The following WDR41 variants were observed in gnomAD, a reference collection of about 807,000 sequenced individuals.
The protein encoded by WDR41 is WD repeat-containing protein 41.
A neutral mutation model predicts 69.3 loss-of-function variants in WDR41; 63 were observed. That is an observed-to-expected ratio of 0.91 (90% CI 0.74 to 1.12). WDR41 has a LOEUF of 1.12. Ranked by LOEUF, WDR41 falls within the 50% of genes most tolerant of loss-of-function variation. The pLI is 0.00. For missense variants in WDR41, 543 were observed against 534.5 expected (o/e 1.02, Z -0.16); for synonymous variants, 185 against 192.1 (o/e 0.96, Z 0.31).
chr5:77,514,201 C>CT (rs1554034200), intron 1 of WDR41, among the ~76,000 whole-genome samples: 14 of 151,456 alleles, frequency 9.2e-5, no homozygotes, highest in South Asian at 6.3e-4. Flanking sequence ...TCCTACCAGT[C>CT]TTTTTTTTTC....
chr5:77,526,652 C>T (rs994941440), intron 1 of WDR41, among the ~76,000 whole-genome samples: 5 of 152,086 alleles, frequency 3.3e-5, no homozygotes, highest in African/African-American at 9.7e-5. Context: ...AGATATCCTT[C>T]CTGCTTTTTC....
chr5:77,522,179 C>G (rs1802380647), intron 1 of WDR41, among the ~76,000 whole-genome samples: 1 of 152,152 alleles, frequency 6.6e-6, no homozygotes, highest in African/African-American at 2.4e-5. Flanking sequence ...GGACGCCGTC[C>G]AGGCAGATGT....
intron 2 of WDR41, among the ~76,000 whole-genome samples, chr5:77,487,459 C>G (rs10076634): frequency 0.26 from 39,079 of 152,066 alleles, 5,802 homozygotes; most frequent in Non-Finnish European, 0.33. Context: ...GTTTAACATG[C>G]CATGATTTGG....
chr5:77,576,810 G>C (rs1402292223), intron 1 of WDR41, among the ~76,000 whole-genome samples: 1 of 152,024 alleles, frequency 6.6e-6, no homozygotes, highest in Non-Finnish European at 1.5e-5. Flanking sequence ...CTATCATCCT[G>C]ATTTTTGGTT....
intron 1 of WDR41, among the ~76,000 whole-genome samples, chr5:77,567,918 T>C (rs530480174): frequency 7.9e-5 from 12 of 151,990 alleles, no homozygotes; most frequent in African/African-American, 2.9e-4. Flanking sequence ...GGACCACATG[T>C]TGAAAATCAG....
At chr5:77,530,861 GATGGATTGATGAATGGGTAGAA>G in intron 1 of WDR41, among the ~76,000 whole-genome samples, 1 of 151,772 alleles carries the variant, frequency 6.6e-6, no homozygotes, top group Non-Finnish European at 1.5e-5. Context: ...AAAAAGGTAA[GATGGATTGATGAATGGGTAGAA>G]ATATAATAAA....
At chr5:77,577,261 TAAA>T (rs1743851378) in intron 1 of WDR41, among the ~76,000 whole-genome samples, 1 of 151,850 alleles carries the variant, frequency 6.6e-6, no homozygotes, top group African/African-American at 2.4e-5. Context: ...TACCACAATG[TAAA>T]AAAGATTTCC....
chr5:77,545,031 G>A (rs1743165731), intron 1 of WDR41, among the ~76,000 whole-genome samples: 1 of 152,026 alleles, frequency 6.6e-6, no homozygotes, highest in Admixed American at 6.5e-5. Context: ...TCAAAACCAT[G>A]CAAATACATG....
intron 1 of WDR41, among the ~76,000 whole-genome samples, chr5:77,556,463 A>C (rs1580008176): frequency 6.6e-6 from 1 of 152,098 alleles, no homozygotes; most frequent in Admixed American, 6.6e-5. Flanking sequence ...GCCAGAGTGC[A>C]GTGGCATGAT....
intron 1 of WDR41, among the ~76,000 whole-genome samples, chr5:77,594,344 A>G (rs1038375739): frequency 6.6e-5 from 10 of 152,050 alleles, no homozygotes; most frequent in South Asian, 6.2e-4. Flanking sequence ...CAGCACACCA[A>G]CATAGCACAT....
intron 1 of WDR41, among the ~76,000 whole-genome samples, chr5:77,510,379 G>T (rs995627150): frequency 3.3e-5 from 5 of 152,172 alleles, no homozygotes; most frequent in Non-Finnish European, 7.4e-5. Flanking sequence ...AATTATGGGA[G>T]CTACAAGATG....
chr5:77,529,556 A>T (rs2112204575), intron 1 of WDR41, among the ~76,000 whole-genome samples: 1 of 151,728 alleles, frequency 6.6e-6, no homozygotes, highest in African/African-American at 2.4e-5. Flanking sequence ...TGCCAAGATT[A>T]GCCAAGACAA....
rs1398177081 is a variant in WDR41, at chr5:77,431,012, ACAGT to A, written c.*2119_*2122del. 5 of 152,336 alleles carry A rather than the reference ACAGT, an allele frequency of 3.3e-5. No homozygotes were observed. Among genetic ancestry groups the A allele is most frequent in the Admixed American group, 2.0e-4 (3 of 15,296 alleles). 9.4% of individuals were successfully genotyped at this position (152,336 alleles called of 1,614,324 possible). A position where few individuals can be genotyped will look rare whatever the true frequency, so the allele number is the denominator to read the frequency against. On this transcript the variant is annotated 3_prime_UTR_variant, in exon 13 of 13. Transcript: ENST00000296679. ...TGTGTATAGAAAGTGGTTTCTGGAG[ACAGT>A]CATTTCCACAGTGAAGATGCTGTAA...
At chr5:77,581,731 A>G (rs902626475) in intron 1 of WDR41, among the ~76,000 whole-genome samples, 1 of 152,200 alleles carries the variant, frequency 6.6e-6, no homozygotes, top group Non-Finnish European at 1.5e-5. Flanking sequence ...TGGAAATAAA[A>G]CATACTCCTA....
intron 2 of WDR41, among the ~76,000 whole-genome samples, chr5:77,470,358 A>T (rs1441659066): frequency 1.3e-5 from 2 of 152,214 alleles, no homozygotes; most frequent in Admixed American, 1.3e-4. Flanking sequence ...GGCTAGGAAG[A>T]AACTGCATCA....
chr5:77,512,331 T>TGAGAGAGAGAGAGA (rs764631325), intron 1 of WDR41, among the ~76,000 whole-genome samples: 1,339 of 86,492 alleles, frequency 0.015, 20 homozygotes, highest in African/African-American at 0.04. Flanking sequence ...ATGGGGTGAG[T>TGAGAGAGAGAGAGA]GAGAGAGAGA....
chr5:77,440,601 G>A (rs915528829), intron 9 of WDR41, among the ~76,000 whole-genome samples: 6 of 152,112 alleles, frequency 3.9e-5, no homozygotes, highest in African/African-American at 1.4e-4. Flanking sequence ...TAAATCTGTG[G>A]CCATTTAATC....
chr5:77,475,957 C>T (rs1454481986), intron 2 of WDR41, among the ~76,000 whole-genome samples: 9 of 151,852 alleles, frequency 5.9e-5, no homozygotes. Flanking sequence ...CTAGAATAAC[C>T]AATACAGAGA....
At chr5:77,620,218 C>T (rs1168489465) in intron 1 of WDR41, among the ~76,000 whole-genome samples, 3 of 151,452 alleles carry the variant, frequency 2.0e-5, no homozygotes, top group African/African-American at 7.3e-5. Context: ...CAAACTCTAC[C>T]CACAACATCA....
Sources: allele counts gnomAD v4.1 joint callset (sites outside exome capture counted in the v4.1 genomes callset), GRCh38; gene constraint gnomAD v4.1.1; transcripts MANE v1.5; gene names NCBI Gene and HGNC (gene_info 2026-07-23, HGNC 2026-07-21).